Variants in ZNF84 observed in about 807,000 individuals in gnomAD.
The protein encoded by ZNF84 is zinc finger protein 84.
ZNF84 carries 12 observed loss-of-function variants against 14.8 expected under a neutral mutation model. The ratio of observed to expected loss-of-function variants is 0.81; its 90% CI spans 0.52 to 1.31. The LOEUF (loss-of-function observed/expected upper bound fraction) is 1.31. Among genes scored for constraint, ZNF84 ranks in the 50% most tolerant of loss-of-function variants. The pLI is 0.00. For missense variants in ZNF84, 859 were observed against 878.6 expected (o/e 0.98, Z 0.28); for synonymous variants, 347 against 291.1 (o/e 1.19, Z -1.96).
At chr12:133,040,044 A>T (rs1953859449) in intron 1 of ZNF84, among the ~76,000 whole-genome samples, 1 of 152,020 alleles carries the variant, frequency 6.6e-6, no homozygotes, top group Non-Finnish European at 1.5e-5. Context: ...GGGTTTCATC[A>T]TGTTGGTCAG....
intron 1 of ZNF84, chr12:133,037,976 G>A (rs1316087953): frequency 6.6e-6 from 1 of 152,286 alleles, no homozygotes; most frequent in Non-Finnish European, 1.5e-5. Flanking sequence ...ACAGGTGTGA[G>A]CCACCATTCC....
At chr12:133,051,336 G>A (rs1434158293) in intron 4 of ZNF84, among the ~76,000 whole-genome samples, 1 of 152,118 alleles carries the variant, frequency 6.6e-6, no homozygotes, top group East Asian at 1.9e-4. Context: ...TTAAAACACT[G>A]AGCATTTGTT....
Position 133,062,917 on chromosome 12 carries a change from A to T in ZNF84, c.*3985A>T. On this transcript the variant is annotated 3_prime_UTR_variant, in exon 5 of 5. Coordinates refer to ENST00000539354, the MANE Select transcript of ZNF84 (RefSeq NM_001289971.2). Reference sequence around the variant, plus strand: ...ATTGAAATGCCCTTGTTCCTTGTTAATGCCTATTGAATCTATATGAACCTG... The same window carrying T: ...ATTGAAATGCCCTTGTTCCTTGTTATTGCCTATTGAATCTATATGAACCTG... 1.8e-6 allele frequency: 1 copy of T among 562,754 alleles called. No homozygotes were observed. The highest frequency in any genetic ancestry group is 3.2e-6 in the Non-Finnish European group (1 of 315,698). The allele number at this position is 562,754 out of a possible 1,614,324, so 34.9% of individuals were successfully genotyped here. A position where few individuals can be genotyped will look rare whatever the true frequency, so the allele number is the denominator to read the frequency against.
chr12:133,039,702 C>T (rs200370631), intron 1 of ZNF84, among the ~76,000 whole-genome samples: 2,398 of 152,088 alleles, frequency 0.016, 53 homozygotes, highest in African/African-American at 0.054. Flanking sequence ...GTTTCTTAGA[C>T]TCCCATTGTG....
chr12:133,057,823 A>G lies in ZNF84; in HGVS notation c.1108A>G (p.Thr370Ala), dbSNP rs1593714263. Reference sequence around the variant, plus strand: ...ACTCGTTACACATCACAGAACTCACACAGGAACAAAACCCTTTGGATGTAG... The same window carrying G: ...ACTCGTTACACATCACAGAACTCACGCAGGAACAAAACCCTTTGGATGTAG... Reference protein sequence around the residue: ...SQLVTHHRTHTGTKPFGCSDC... With the variant: ...SQLVTHHRTHAGTKPFGCSDC... The change falls in exon 5 of 5, where the codon ACA (threonine) becomes GCA (alanine). Residue 370 changes from threonine to alanine, a missense_variant. By Grantham distance (58) the Thr-to-Ala change is moderately conservative. Coordinates refer to ENST00000539354, the MANE Select transcript of ZNF84 (RefSeq NM_001289971.2). 12 of 1,614,180 alleles carry G rather than the reference A, an allele frequency of 7.4e-6. No individual in the cohort carries two copies. In the East Asian group the frequency reaches 2.7e-4, roughly 36 times the overall value.
At chr12:133,048,953 T>A in intron 4 of ZNF84, 105 bp downstream of exon 4, 1 of 893,574 alleles carries the variant, frequency 1.1e-6, no homozygotes, top group South Asian at 1.6e-5. Flanking sequence ...CAGTGATGGG[T>A]TGGCTGGTCA....
At chr12:133,037,676 G>GCGGGTTGGGGCTGGGC (rs1953807642) in intron 1 of ZNF84, 131 bp downstream of exon 1, 1 of 152,226 alleles carries the variant, frequency 6.6e-6, no homozygotes, top group African/African-American at 2.4e-5. Flanking sequence ...CGGGTCTGGG[G>GCGGGTTGGGGCTGGGC]CGGGTTGGGG....
intron 4 of ZNF84, among the ~76,000 whole-genome samples, chr12:133,056,658 T>C (rs1237093894): frequency 6.6e-6 from 1 of 152,194 alleles, no homozygotes; most frequent in Non-Finnish European, 1.5e-5. Context: ...AAACATTGGG[T>C]CAAAGCTTCT....
In ZNF84 at chr12:133,059,664, CTT is replaced by C. The variant is rs1781738176; in HGVS notation, c.*733_*734del. The C allele has an allele frequency of 6.6e-6, 1 of 152,172 alleles. No homozygotes were observed. The highest frequency in any genetic ancestry group is 1.5e-5 in the Non-Finnish European group (1 of 68,036). The allele number at this position is 152,172 out of a possible 1,614,324, so 9.4% of individuals were successfully genotyped here. A position where few individuals can be genotyped will look rare whatever the true frequency, so the allele number is the denominator to read the frequency against. The stretch of plus-strand genomic sequence containing the variant: ...TGTCACGTATGTTTTGTGTTTTGGA[CTT>C]ACCTATAATTTAATGTAATTGGGAG... On this transcript the variant is annotated 3_prime_UTR_variant, in exon 5 of 5. Transcript: ENST00000539354.
In ZNF84 at chr12:133,058,307, T is replaced by TATC; in HGVS notation, c.1594_1596dup (p.Ser532dup). 1 of 1,614,068 alleles carries TATC rather than the reference T, an allele frequency of 6.2e-7. No homozygotes were observed. Among genetic ancestry groups the TATC allele is most frequent in the East Asian group, 2.2e-5 (1 of 44,876 alleles). On this transcript the variant is annotated inframe_insertion, in exon 5 of 5. Transcript: ENST00000539354. ...GCCTTTTGTCAGAAGTCACATCTCA[T>TATC]ATCACATCAGAGGACACATACAGGG...
chr12:133,063,058 TA>T lies in ZNF84; in HGVS notation c.*4127del. 1 of 698,798 alleles carries T rather than the reference TA, an allele frequency of 1.4e-6. No individual in the cohort carries two copies. Among genetic ancestry groups the T allele is most frequent in the Non-Finnish European group, 2.6e-6 (1 of 382,022 alleles). 43.3% of individuals were successfully genotyped at this position (698,798 alleles called of 1,614,324 possible). A position where few individuals can be genotyped will look rare whatever the true frequency, so the allele number is the denominator to read the frequency against. Reference sequence around the variant, plus strand: ...TCTGTGTAATTTTTGCATCACAAGCTATATTTAAATGTGGGTGCAGTGAGTG... The same window carrying T: ...TCTGTGTAATTTTTGCATCACAAGCTTATTTAAATGTGGGTGCAGTGAGTG... On this transcript the variant is annotated 3_prime_UTR_variant, in exon 5 of 5. Coordinates refer to ENST00000539354, the MANE Select transcript of ZNF84 (RefSeq NM_001289971.2).
chr12:133,041,586 A>G (rs1260825832), intron 2 of ZNF84, 104 bp downstream of exon 2: 8 of 1,206,210 alleles, frequency 6.6e-6, no homozygotes, highest in Non-Finnish European at 8.6e-6. Flanking sequence ...ATCAGAGGAA[A>G]ATAGCCTCAG....
At chr12:133,038,109 T>G (rs1202204098) in intron 1 of ZNF84, 5 of 149,946 alleles carry the variant, frequency 3.3e-5, no homozygotes, top group African/African-American at 7.3e-5. Context: ...TCACCTGTGG[T>G]TTTTTTTTGT....
intron 4 of ZNF84, among the ~76,000 whole-genome samples, chr12:133,056,685 T>G (rs1954164848): frequency 6.6e-6 from 1 of 152,238 alleles, no homozygotes; most frequent in Non-Finnish European, 1.5e-5. Flanking sequence ...CTTTTTTCTT[T>G]GCTTTTCATG....
chr12:133,038,380 C>T (rs906030594), intron 1 of ZNF84, among the ~76,000 whole-genome samples: 1 of 151,974 alleles, frequency 6.6e-6, no homozygotes, highest in South Asian at 2.1e-4. Context: ...TGGGCCTGTT[C>T]ACACTCATTA....
chr12:133,045,621 A>G (rs1953967354), intron 2 of ZNF84, among the ~76,000 whole-genome samples: 1 of 152,234 alleles, frequency 6.6e-6, no homozygotes, highest in Non-Finnish European at 1.5e-5. Flanking sequence ...CCTGGGTGAC[A>G]GAGCAAAACT....
chr12:133,057,787 A>G lies in ZNF84; in HGVS notation c.1072A>G (p.Arg358Gly). ...CAGGGAATGTGGGAAAGCCTTCAGC[A>G]GGAAGTCACAACTCGTTACACATCA... ...ECRECGKAFS[R>G]KSQLVTHHRT... The change falls in exon 5 of 5, where the codon AGG becomes GGG. Residue 358 changes from arginine to glycine, a missense_variant. By Grantham distance (125) the Arg-to-Gly change is moderately radical. Transcript: ENST00000539354. The G allele has an allele frequency of 1.2e-6, 2 of 1,613,964 alleles. No homozygotes were observed. The highest frequency in any genetic ancestry group is 8.5e-7 in the Non-Finnish European group (1 of 1,179,976).
chr12:133,039,268 C>T (rs977654817), intron 1 of ZNF84, among the ~76,000 whole-genome samples: 21 of 152,172 alleles, frequency 1.4e-4, no homozygotes, highest in Non-Finnish European at 2.6e-4. Flanking sequence ...AAAGAAAGTG[C>T]TGCTTGTTAG....
At position 133,057,444 on chromosome 12, in the gene ZNF84, C is replaced by A; in HGVS notation, c.729C>A (p.Thr243=). 6.2e-7 allele frequency: 1 copy of A among 1,614,186 alleles called. No homozygotes were observed. The highest frequency in any genetic ancestry group is 2.2e-5 in the East Asian group (1 of 44,888). Residue 243 remains threonine, a synonymous_variant, in exon 5 of 5, where the codon ACC becomes ACA. Transcript: ENST00000539354. The part of the protein sequence containing the change: ...IAFGCGNCGK[T]FPQKSQFITH... The stretch of plus-strand genomic sequence containing the variant: ...TTGGCTGTGGTAATTGTGGCAAAAC[C>A]TTTCCCCAGAAGTCTCAGTTTATTA...
Sources: allele counts gnomAD v4.1 joint callset (sites outside exome capture counted in the v4.1 genomes callset), GRCh38; gene constraint gnomAD v4.1.1; transcripts MANE v1.5; gene names NCBI Gene and HGNC (gene_info 2026-07-23, HGNC 2026-07-21).